The following CDH12 variants were observed in gnomAD, a reference collection of about 807,000 sequenced individuals.
CDH12 encodes cadherin 12, also known as cadherin-12.
A neutral mutation model predicts 74.1 loss-of-function variants in CDH12; 41 were observed. That is an observed-to-expected ratio of 0.55 (90% CI 0.43 to 0.72). The LOEUF (loss-of-function observed/expected upper bound fraction) is 0.72, where lower values mean the gene tolerates loss of function less well. CDH12 is among the 30% of genes least tolerant of loss of function. The pLI is 0.00. For missense variants in CDH12, 945 were observed against 977.2 expected, an observed-to-expected ratio of 0.97 and a Z score of 0.44; for synonymous variants, 399 against 355.0, an observed-to-expected ratio of 1.12 and a Z score of -1.39.
chr5:22,074,426 C>G (rs1193290634), intron 5 of CDH12, among the ~76,000 whole-genome samples: 1 of 152,206 alleles, frequency 6.6e-6, no homozygotes, highest in Non-Finnish European at 1.5e-5. Flanking sequence ...GACTAAAACA[C>G]CAAAAGCAAT....
At chr5:22,805,079 T>G (rs1748713429) in intron 1 of CDH12, among the ~76,000 whole-genome samples, 1 of 152,156 alleles carries the variant, frequency 6.6e-6, no homozygotes, top group Non-Finnish European at 1.5e-5. Flanking sequence ...GAAAACAATT[T>G]AATATTATCT....
At chr5:22,320,818 T>C (rs1280671851) in intron 3 of CDH12, among the ~76,000 whole-genome samples, 2 of 152,234 alleles carry the variant, frequency 1.3e-5, no homozygotes, top group Non-Finnish European at 2.9e-5. Context: ...TTTGTCACTA[T>C]CTTCACTGTG....
At chr5:22,073,231 T>C (rs1010872878) in intron 5 of CDH12, among the ~76,000 whole-genome samples, 12 of 152,288 alleles carry the variant, frequency 7.9e-5, no homozygotes, top group African/African-American at 2.9e-4. Context: ...GGTTTATATA[T>C]GTTTTACTTC....
In CDH12 at chr5:21,925,940, A is replaced by AT. The variant is rs1207194385; in HGVS notation, c.526+49150dup. Among the ~76,000 whole-genome samples the AT allele has an allele frequency of 2.8e-4, 17 of 61,792 alleles. No homozygotes were observed. In the Admixed American group the frequency reaches 2.8e-3, roughly 10 times the overall value. 40.5% of individuals were successfully genotyped at this position (61,792 alleles called of 152,430 possible). On this transcript the variant is annotated intron_variant, in intron 6 of 14. Coordinates refer to ENST00000382254, the MANE Select transcript of CDH12 (RefSeq NM_004061.5). Reference sequence around the variant, plus strand: ...TTATGACTCCAATAACATGCTTTTGATAAAAAAAAAAGAAATGATTTCTGG... The same window carrying AT: ...TTATGACTCCAATAACATGCTTTTGATTAAAAAAAAAAGAAATGATTTCTGG...
chr5:22,535,314 C>T (rs1401428337), intron 1 of CDH12, among the ~76,000 whole-genome samples: 2 of 151,830 alleles, frequency 1.3e-5, no homozygotes, highest in Non-Finnish European at 2.9e-5. Flanking sequence ...GCTACCACGC[C>T]CGGCTAATTT....
At chr5:21,934,529 TATTA>T (rs1036370338) in intron 6 of CDH12, among the ~76,000 whole-genome samples, 20 of 152,200 alleles carry the variant, frequency 1.3e-4, no homozygotes, top group East Asian at 5.8e-4. Flanking sequence ...TAAATGGGGA[TATTA>T]ATTAATAAAT....
chr5:22,535,721 A>C (rs1009413251), intron 1 of CDH12, among the ~76,000 whole-genome samples: 1 of 152,240 alleles, frequency 6.6e-6, no homozygotes, highest in African/African-American at 2.4e-5. Flanking sequence ...ATAAAATGGG[A>C]TGTCCCCTAA....
rs145001286 is a variant in CDH12, at chr5:22,146,470, G to C, written c.-187+66028C>G. ...TTAACACAAAATGAATAAATGTTTT[G>C]TATAAGTTAAAAATAGAAGATAGAA... is the stretch of plus-strand genomic sequence containing the variant. On this transcript the variant is annotated intron_variant, in intron 4 of 14. Coordinates refer to ENST00000382254, the MANE Select transcript of CDH12 (RefSeq NM_004061.5). Among the ~76,000 whole-genome samples, 984 of 152,112 alleles carry C rather than the reference G, an allele frequency of 6.5e-3. 11 individuals carry two copies. Among genetic ancestry groups the C allele is most frequent in the African/African-American group, 0.023 (942 of 41,532 alleles).
chr5:22,023,317 CCT>C (rs1336006082), intron 5 of CDH12, among the ~76,000 whole-genome samples: 2 of 151,874 alleles, frequency 1.3e-5, no homozygotes, highest in African/African-American at 4.8e-5. Context: ...ATTTTAATAC[CCT>C]GTTATTTCTT....
intron 6 of CDH12, among the ~76,000 whole-genome samples, chr5:21,859,321 GGAA>G (rs753533204): frequency 2.6e-5 from 4 of 151,860 alleles, no homozygotes; most frequent in Non-Finnish European, 4.4e-5. Flanking sequence ...CAGGGGAGCA[GGAA>G]GAAGAAGTGT....
chr5:21,892,166 G>C (rs1244368409), intron 6 of CDH12, among the ~76,000 whole-genome samples: 1 of 152,116 alleles, frequency 6.6e-6, no homozygotes, highest in African/African-American at 2.4e-5. Context: ...AGTAAAAGAT[G>C]CATAACATTT....
intron 1 of CDH12, among the ~76,000 whole-genome samples, chr5:22,747,321 C>A (rs1745339593): frequency 6.6e-6 from 1 of 151,742 alleles, no homozygotes; most frequent in Non-Finnish European, 1.5e-5. Flanking sequence ...TGGTATGTTT[C>A]CCCATTTATA....
chr5:22,380,030 A>G (rs7721070), intron 3 of CDH12, among the ~76,000 whole-genome samples: 41,396 of 152,112 alleles, frequency 0.27, 5,699 homozygotes, highest in East Asian at 0.35. Context: ...AAGTACTAGC[A>G]TTACAGGCAT....
Position 22,600,324 on chromosome 5 carries a change from T to G in CDH12, c.-522-94960A>C, listed in dbSNP as rs867590134. 4.6e-5 allele frequency among the ~76,000 whole-genome samples: 7 copies of G among 152,320 alleles called. No homozygotes were observed. The Middle Eastern group carries it at 0.01, about 222-fold the overall frequency. On this transcript the variant is annotated intron_variant, in intron 1 of 14. Transcript: ENST00000382254. Reference sequence around the variant, plus strand: ...CTATTGTCCAGTTCCTTCCATTTGATTCCACTCTGCCCTGAAAGGTAACTA... The same window carrying G: ...CTATTGTCCAGTTCCTTCCATTTGAGTCCACTCTGCCCTGAAAGGTAACTA...
At chr5:21,834,950 T>C (rs993846656) in intron 8 of CDH12, among the ~76,000 whole-genome samples, 1 of 151,950 alleles carries the variant, frequency 6.6e-6, no homozygotes, top group Non-Finnish European at 1.5e-5. Context: ...ACCATCTTTT[T>C]ATTTTCCATC....
intron 2 of CDH12, among the ~76,000 whole-genome samples, chr5:22,464,157 T>G (rs1448150495): frequency 6.6e-6 from 1 of 152,144 alleles, no homozygotes; most frequent in Non-Finnish European, 1.5e-5. Flanking sequence ...AGCTCTGTCT[T>G]CTCTTTGCCT....
Position 22,455,134 on chromosome 5 carries a change from T to G in CDH12, c.-427-49783A>C, listed in dbSNP as rs574536454. ...TGATGTATCTTTTTAAAAGCTTATG[T>G]TGGCTGTGAATGAAACATTATTGGC... On this transcript the variant is annotated intron_variant, in intron 2 of 14. Transcript: ENST00000382254. 2.8e-4 allele frequency among the ~76,000 whole-genome samples: 42 copies of G among 152,326 alleles called. No homozygotes were observed. In the East Asian group the frequency reaches 3.5e-3, roughly 13 times the overall value.
At chr5:22,072,985 T>C (rs551889277) in intron 5 of CDH12, among the ~76,000 whole-genome samples, 28 of 152,216 alleles carry the variant, frequency 1.8e-4, no homozygotes, top group African/African-American at 6.7e-4. Flanking sequence ...TTTTCTGATA[T>C]GTAAAATAGC....
At chr5:22,545,614 G>A (rs16896730) in intron 1 of CDH12, among the ~76,000 whole-genome samples, 1 of 151,976 alleles carries the variant, frequency 6.6e-6, no homozygotes, top group Non-Finnish European at 1.5e-5. Flanking sequence ...GTAAGCCTAC[G>A]ATCAAAATAA....
Sources: allele counts gnomAD v4.1 joint callset (sites outside exome capture counted in the v4.1 genomes callset), GRCh38; gene constraint gnomAD v4.1.1; transcripts MANE v1.5; gene names NCBI Gene and HGNC (gene_info 2026-07-23, HGNC 2026-07-21).